CDKN2B-AS1: variants seen among roughly 807,000 people sequenced by gnomAD.
The protein encoded by CDKN2B-AS1 is CDKN2B and CDKN2A antisense cis and trans regulatory RNA 1, also known as CDKN2B antisense RNA 1 (non-protein coding).
intron 1 of CDKN2B-AS1, among the ~76,000 whole-genome samples, chr9:22,019,944 T>A (rs1821947329): frequency 6.6e-6 from 1 of 152,174 alleles, no homozygotes; most frequent in South Asian, 2.1e-4. Flanking sequence ...GAGGGTTTGT[T>A]GTACAGATTG....
chr9:22,065,832 A>G (rs892696843), intron 4 of CDKN2B-AS1: 1 of 152,124 alleles, frequency 6.6e-6, no homozygotes, highest in African/African-American at 2.4e-5. Context: ...TCTATGCTAT[A>G]TGTTCTTTTT....
chr9:22,020,265 C>A (rs1007584538), intron 1 of CDKN2B-AS1, among the ~76,000 whole-genome samples: 1 of 152,162 alleles, frequency 6.6e-6, no homozygotes. Context: ...TTTCTTTATC[C>A]AGTCTATCAC....
chr9:22,113,283 C>T (rs999613745), intron 4 of CDKN2B-AS1, among the ~76,000 whole-genome samples: 5 of 152,172 alleles, frequency 3.3e-5, no homozygotes, highest in South Asian at 4.1e-4. Flanking sequence ...TCCATATGAT[C>T]CCCTCCATCT....
intron 1 of CDKN2B-AS1, among the ~76,000 whole-genome samples, chr9:22,026,251 C>G (rs1259030352): frequency 6.6e-6 from 1 of 151,308 alleles, no homozygotes; most frequent in East Asian, 2.0e-4. Context: ...TCTGGGAGCT[C>G]TGTCCCAGGG....
chr9:22,101,515 C>A (rs1398785296), intron 4 of CDKN2B-AS1, among the ~76,000 whole-genome samples: 1 of 152,058 alleles, frequency 6.6e-6, no homozygotes, highest in African/African-American at 2.4e-5. Flanking sequence ...AAATATCATT[C>A]CCTTTAGTAA....
chr9:22,017,223 G>A (rs868249770), intron 1 of CDKN2B-AS1, among the ~76,000 whole-genome samples: 1 of 152,134 alleles, frequency 6.6e-6, no homozygotes, highest in East Asian at 1.9e-4. Context: ...TCAGGAGTTC[G>A]AGACCAGCCT....
At chr9:22,016,047 C>T in intron 1 of CDKN2B-AS1, among the ~76,000 whole-genome samples, 1 of 152,080 alleles carries the variant, frequency 6.6e-6, no homozygotes, top group Admixed American at 6.5e-5. Context: ...TTGTAGGTTG[C>T]CTGTTCACTC....
At chr9:22,090,481 C>T (rs570765624) in intron 4 of CDKN2B-AS1, among the ~76,000 whole-genome samples, 35 of 152,200 alleles carry the variant, frequency 2.3e-4, no homozygotes, top group Non-Finnish European at 4.4e-4. Context: ...ACATCCTCTC[C>T]AGCACCTGTT....
rs1820735465 is a variant in CDKN2B-AS1 at position 21,997,413 on chromosome 9, T to C, written n.29+2252T>C. 6.6e-6 allele frequency among the ~76,000 whole-genome samples: 1 copy of C among 152,068 alleles called. No homozygotes were observed. ...TCCAGCACATGACTCTGTGTGTGTA[T>C]ACAATTTTATATATACGTACATTAT... On this transcript the variant is annotated intron_variant and non_coding_transcript_variant, in intron 1 of 4. Transcript: ENST00000650946. This position sits in a 1 kb window ranked among gnomAD's most constrained non-coding sequence, Gnocchi z 4.8.
chr9:22,008,862 C>T (rs1422056865), intron 1 of CDKN2B-AS1: 3 of 1,611,676 alleles, frequency 1.9e-6, no homozygotes, highest in South Asian at 2.2e-5. Flanking sequence ...CAGGAGCTGT[C>T]GCACCTTCTC....
chr9:22,050,243 G>T (rs1395539651), intron 3 of CDKN2B-AS1, among the ~76,000 whole-genome samples: 1 of 152,158 alleles, frequency 6.6e-6, no homozygotes, highest in African/African-American at 2.4e-5. Flanking sequence ...CTGTGAAGTA[G>T]GTTTTATATT....
intron 1 of CDKN2B-AS1, chr9:22,029,532 C>T (rs373779569): frequency 7.7e-6 from 6 of 779,366 alleles, no homozygotes; most frequent in Non-Finnish European, 1.2e-5. Flanking sequence ...CGTCCTGGCC[C>T]CCATGACTTT....
At chr9:22,117,880 G>A (rs540439813) in intron 4 of CDKN2B-AS1, 1 of 152,358 alleles carries the variant, frequency 6.6e-6, no homozygotes, top group South Asian at 2.1e-4. Flanking sequence ...ATTTGGCACA[G>A]GCCTCTGGAG....
chr9:22,008,855 G>A (rs1821335703), intron 1 of CDKN2B-AS1: 2 of 1,611,164 alleles, frequency 1.2e-6, no homozygotes, highest in East Asian at 2.2e-5. Context: ...CGGCTTCCAG[G>A]AGCTGTCGCA....
intron 1 of CDKN2B-AS1, among the ~76,000 whole-genome samples, chr9:22,018,042 A>C (rs1443280021): frequency 6.6e-6 from 1 of 152,174 alleles, no homozygotes; most frequent in Non-Finnish European, 1.5e-5. Flanking sequence ...AGATGAAAAC[A>C]TTTTCTAAAA....
At chr9:22,092,642 T>C (rs1460095190) in intron 4 of CDKN2B-AS1, among the ~76,000 whole-genome samples, 1 of 152,224 alleles carries the variant, frequency 6.6e-6, no homozygotes, top group Non-Finnish European at 1.5e-5. Flanking sequence ...TGATGGTAGT[T>C]TGTATTTCTG....
chr9:22,012,309 A>G, intron 1 of CDKN2B-AS1: 1 of 1,461,384 alleles, frequency 6.8e-7, no homozygotes, highest in Non-Finnish European at 9.6e-7. Context: ...CAGCTGGAGG[A>G]TGGCCGCACT....
intron 4 of CDKN2B-AS1, chr9:22,120,097 CA>C (rs1283662455): frequency 2.0e-5 from 3 of 152,160 alleles, no homozygotes; most frequent in African/African-American, 7.2e-5. Flanking sequence ...TGTGAAGATT[CA>C]ATGAGTTGTA....
intron 1 of CDKN2B-AS1, chr9:22,012,548 T>C: frequency 1.8e-6 from 1 of 567,790 alleles, no homozygotes; most frequent in East Asian, 4.0e-5. Flanking sequence ...AGGCTCTTCC[T>C]TCCTCGGAGG....
Sources: allele counts gnomAD v4.1 joint callset (sites outside exome capture counted in the v4.1 genomes callset), GRCh38; gene constraint gnomAD v4.1.1; non-coding constraint Gnocchi (gnomAD v3.1); transcripts MANE v1.5; gene names NCBI Gene and HGNC (gene_info 2026-07-23, HGNC 2026-07-21).